BRD3OS: variants seen among roughly 807,000 people sequenced by gnomAD.
BRD3OS encodes uncharacterized protein BRD3OS.
Position 134,027,223 on chromosome 9 carries a change from C to T in BRD3OS, c.*221C>T, listed in dbSNP as rs558718986. 1 of 349,986 alleles carries T rather than the reference C, an allele frequency of 2.9e-6. No individual in the cohort carries two copies. The highest frequency in any genetic ancestry group is 4.2e-5 in the East Asian group (1 of 23,626). The allele number at this position is 349,986 out of a possible 1,614,324, so 21.7% of individuals were successfully genotyped here. On this transcript the variant is annotated 3_prime_UTR_variant, in exon 3 of 3. Transcript: ENST00000603928. ...GCACAGGACACTTCCCCTCTAGAGTCCCCTCCGTGGTCAGCTGTTGTGACA... is the reference window on the plus strand; with the variant it reads ...GCACAGGACACTTCCCCTCTAGAGTTCCCTCCGTGGTCAGCTGTTGTGACA...
rs1843479354 is a variant in BRD3OS, at chr9:134,029,536, G to T, written c.*2534G>T. On this transcript the variant is annotated 3_prime_UTR_variant, in exon 3 of 3. Transcript: ENST00000603928. ...TGCCCCCTGACCCCATCTGGGGTCG[G>T]GCTGGACAGGTCCTCAGGCCTAGAC... 6.6e-6 allele frequency: 1 copy of T among 152,242 alleles called. No individual in the cohort carries two copies. The highest frequency in any genetic ancestry group is 2.1e-4 in the South Asian group (1 of 4,834). 9.4% of individuals were successfully genotyped at this position (152,242 alleles called of 1,614,324 possible). A position where few individuals can be genotyped will look rare whatever the true frequency, so the allele number is the denominator to read the frequency against.
rs1843437688 is a variant in BRD3OS at position 134,027,017 on chromosome 9, C to T, written c.*15C>T. Reference sequence around the variant, plus strand: ...CAATTATGTAATTCCGATGTGAGCACCTGAACCCAGGACCACACTTTGAGG... The same window carrying T: ...CAATTATGTAATTCCGATGTGAGCATCTGAACCCAGGACCACACTTTGAGG... On this transcript the variant is annotated 3_prime_UTR_variant, in exon 3 of 3. Transcript: ENST00000603928. 1 of 398,730 alleles carries T rather than the reference C, an allele frequency of 2.5e-6. No individual in the cohort carries two copies. Among genetic ancestry groups the T allele is most frequent in the Non-Finnish European group, 4.4e-6 (1 of 226,064 alleles). 24.7% of individuals were successfully genotyped at this position (398,730 alleles called of 1,614,324 possible).
rs1434930753 is a variant in BRD3OS, at chr9:134,027,771, A to C, written c.*769A>C. 6.6e-6 allele frequency: 1 copy of C among 152,244 alleles called. No homozygotes were observed. Among genetic ancestry groups the C allele is most frequent in the Admixed American group, 6.5e-5 (1 of 15,290 alleles). 9.4% of individuals were successfully genotyped at this position (152,244 alleles called of 1,614,324 possible). A position where few individuals can be genotyped will look rare whatever the true frequency, so the allele number is the denominator to read the frequency against. Reference sequence around the variant, plus strand: ...CTGTGAAGCATCATGGTAGCTTCCAAGCATTTGCGGCCCACTGGCCAGTGC... The same window carrying C: ...CTGTGAAGCATCATGGTAGCTTCCACGCATTTGCGGCCCACTGGCCAGTGC... On this transcript the variant is annotated 3_prime_UTR_variant, in exon 3 of 3. Transcript: ENST00000603928.
At position 134,031,027 on chromosome 9, in the gene BRD3OS, AG is replaced by A; in HGVS notation, c.*4027del. The A allele has an allele frequency of 4.3e-6, 1 of 231,004 alleles. No homozygotes were observed. The highest frequency in any genetic ancestry group is 8.6e-6 in the Non-Finnish European group (1 of 116,626). The allele number at this position is 231,004 out of a possible 1,614,324, so 14.3% of individuals were successfully genotyped here. A position where few individuals can be genotyped will look rare whatever the true frequency, so the allele number is the denominator to read the frequency against. On this transcript the variant is annotated 3_prime_UTR_variant, in exon 3 of 3. Transcript: ENST00000603928. ...CCTCAGCCCGCCAGCAAGGGCGCTG[AG>A]GAAGTCATTAATCCTTCGAAACTCT...
At position 134,026,625 on chromosome 9, in the gene BRD3OS, T is replaced by A. The variant is rs957720417; in HGVS notation, c.-123T>A. On this transcript the variant is annotated 5_prime_UTR_variant, in exon 3 of 3. Coordinates refer to ENST00000603928, the MANE Select transcript of BRD3OS (RefSeq NM_001355256.2). This position sits in a 1 kb window ranked among gnomAD's most constrained non-coding sequence, Gnocchi z 4.4. ...GCAAATGGGCGGAATTCCTAATTTCTACCATTCAGTTAAACGAGGGATCCT... is the reference window on the plus strand; with the variant it reads ...GCAAATGGGCGGAATTCCTAATTTCAACCATTCAGTTAAACGAGGGATCCT... 5.0e-6 allele frequency: 2 copies of A among 396,694 alleles called. No homozygotes were observed. Among genetic ancestry groups the A allele is most frequent in the African/African-American group, 4.1e-5 (2 of 48,606 alleles). 24.6% of individuals were successfully genotyped at this position (396,694 alleles called of 1,614,324 possible).
In BRD3OS at chr9:134,029,748, A is replaced by G. The variant is rs1041148718; in HGVS notation, c.*2746A>G. The stretch of plus-strand genomic sequence containing the variant: ...TGAGCGCATCACAAGCCACTTCAGG[A>G]TAGACTGAGGTGCAGAGGGAGGGGA... On this transcript the variant is annotated 3_prime_UTR_variant, in exon 3 of 3. Coordinates refer to ENST00000603928, the MANE Select transcript of BRD3OS (RefSeq NM_001355256.2). The G allele has an allele frequency of 2.0e-5, 3 of 152,254 alleles. No individual in the cohort carries two copies. The highest frequency in any genetic ancestry group is 7.2e-5 in the African/African-American group (3 of 41,456). The allele number at this position is 152,254 out of a possible 1,614,324, so 9.4% of individuals were successfully genotyped here.
Position 134,026,649 on chromosome 9 carries a change from C to T in BRD3OS, c.-99C>T, listed in dbSNP as rs1037155661. ...CTACCATTCAGTTAAACGAGGGATC[C>T]TTAAGCCCCAAAGCTGGGAAAGCTG... On this transcript the variant is annotated 5_prime_UTR_variant, in exon 3 of 3. Transcript: ENST00000603928. This position sits in a 1 kb window ranked among gnomAD's most constrained non-coding sequence, Gnocchi z 4.4. 5.0e-6 allele frequency: 2 copies of T among 397,562 alleles called. No homozygotes were observed. Among genetic ancestry groups the T allele is most frequent in the Admixed American group, 8.8e-5 (2 of 22,722 alleles). The allele number at this position is 397,562 out of a possible 1,614,324, so 24.6% of individuals were successfully genotyped here. A position where few individuals can be genotyped will look rare whatever the true frequency, so the allele number is the denominator to read the frequency against.
rs1265447812 is a variant in BRD3OS at position 134,030,007 on chromosome 9, A to C, written c.*3005A>C. 1.3e-5 allele frequency: 2 copies of C among 152,348 alleles called. No homozygotes were observed. The highest frequency in any genetic ancestry group is 3.8e-4 in the East Asian group (2 of 5,196). The allele number at this position is 152,348 out of a possible 1,614,324, so 9.4% of individuals were successfully genotyped here. ...GAGTGCAGTGATGCAATCATGGCTT[A>C]CTGCAGCCTCAAACTCCTGGCCTCA... On this transcript the variant is annotated 3_prime_UTR_variant, in exon 3 of 3. Transcript: ENST00000603928.
In BRD3OS at chr9:134,029,220, G is replaced by C. The variant is rs944845384; in HGVS notation, c.*2218G>C. 2 of 152,280 alleles carry C rather than the reference G, an allele frequency of 1.3e-5. No homozygotes were observed. Among genetic ancestry groups the C allele is most frequent in the African/African-American group, 4.8e-5 (2 of 41,462 alleles). The allele number at this position is 152,280 out of a possible 1,614,324, so 9.4% of individuals were successfully genotyped here. A position where few individuals can be genotyped will look rare whatever the true frequency, so the allele number is the denominator to read the frequency against. On this transcript the variant is annotated 3_prime_UTR_variant, in exon 3 of 3. Transcript: ENST00000603928. Reference sequence around the variant, plus strand: ...AATGCCTGTGTGCCACCTTCTCACCGCACCACAGACTCCCCTGAGGACGGG... The same window carrying C: ...AATGCCTGTGTGCCACCTTCTCACCCCACCACAGACTCCCCTGAGGACGGG...
rs555025118 is a variant in BRD3OS at position 134,031,523 on chromosome 9, A to G, written c.*4521A>G. ...AAACGAGGGTAACTTTAAAAAATGGAAACTTTCAAATCCATTTATATTTTT... is the reference window on the plus strand; with the variant it reads ...AAACGAGGGTAACTTTAAAAAATGGGAACTTTCAAATCCATTTATATTTTT... On this transcript the variant is annotated 3_prime_UTR_variant, in exon 3 of 3. Transcript: ENST00000603928. 4 of 201,888 alleles carry G rather than the reference A, an allele frequency of 2.0e-5. No homozygotes were observed. The highest frequency in any genetic ancestry group is 3.0e-5 in the Non-Finnish European group (3 of 98,362). The allele number at this position is 201,888 out of a possible 1,614,324, so 12.5% of individuals were successfully genotyped here. A position where few individuals can be genotyped will look rare whatever the true frequency, so the allele number is the denominator to read the frequency against.
At position 134,026,175 on chromosome 9, in the gene BRD3OS, C is replaced by G. The variant is rs1256500411; in HGVS notation, c.-540-33C>G. 1 of 152,768 alleles carries G rather than the reference C, an allele frequency of 6.5e-6. No homozygotes were observed. Among genetic ancestry groups the G allele is most frequent in the East Asian group, 1.9e-4 (1 of 5,202 alleles). The allele number at this position is 152,768 out of a possible 1,614,324, so 9.5% of individuals were successfully genotyped here. A position where few individuals can be genotyped will look rare whatever the true frequency, so the allele number is the denominator to read the frequency against. On this transcript the variant is annotated intron_variant, in intron 2 of 2. Coordinates refer to ENST00000603928, the MANE Select transcript of BRD3OS (RefSeq NM_001355256.2). This position sits in a 1 kb window ranked among gnomAD's most constrained non-coding sequence, Gnocchi z 4.4. The stretch of plus-strand genomic sequence containing the variant: ...CGCCGCTGCCGGGGCGCTTGACTTC[C>G]CCTCTCCTGACAGCACGTTCGTTCC...
rs1447584134 is a variant in BRD3OS, at chr9:134,031,576, T to C, written c.*4574T>C. ...TATAAACAAAACTTAATTAAAAGTT[T>C]AACAAACTGGCTGAAAACTCACCAA... On this transcript the variant is annotated 3_prime_UTR_variant, in exon 3 of 3. Coordinates refer to ENST00000603928, the MANE Select transcript of BRD3OS (RefSeq NM_001355256.2). 9.6e-6 allele frequency: 2 copies of C among 208,318 alleles called. No homozygotes were observed. The highest frequency in any genetic ancestry group is 2.0e-5 in the Non-Finnish European group (2 of 102,500). The allele number at this position is 208,318 out of a possible 1,614,324, so 12.9% of individuals were successfully genotyped here.
In BRD3OS at chr9:134,028,830, G is replaced by A. The variant is rs991075299; in HGVS notation, c.*1828G>A. ...TGTTCGTGCTTCTCTTTGCAGCTGT[G>A]CAAGTTCATTCGCAAACGTCCTAGA... On this transcript the variant is annotated 3_prime_UTR_variant, in exon 3 of 3. Transcript: ENST00000603928. 1.3e-5 allele frequency: 2 copies of A among 152,286 alleles called. No individual in the cohort carries two copies. Among genetic ancestry groups the A allele is most frequent in the African/African-American group, 4.8e-5 (2 of 41,466 alleles). 9.4% of individuals were successfully genotyped at this position (152,286 alleles called of 1,614,324 possible).
chr9:134,029,942 TTTGA>T lies in BRD3OS; in HGVS notation c.*2943_*2946del, dbSNP rs1275777775. 2.0e-5 allele frequency: 3 copies of T among 152,030 alleles called. No homozygotes were observed. Among genetic ancestry groups the T allele is most frequent in the Non-Finnish European group, 2.9e-5 (2 of 68,016 alleles). The allele number at this position is 152,030 out of a possible 1,614,324, so 9.4% of individuals were successfully genotyped here. Reference sequence around the variant, plus strand: ...GCTCAGGACAAGAGCTACTTAATGGTTTGATTATTATTATTTTTTAAGAGATGTT... The same window carrying T: ...GCTCAGGACAAGAGCTACTTAATGGTTTATTATTATTTTTTAAGAGATGTT... On this transcript the variant is annotated 3_prime_UTR_variant, in exon 3 of 3. Transcript: ENST00000603928.
In BRD3OS at chr9:134,030,426, A is replaced by C. The variant is rs1186155573; in HGVS notation, c.*3424A>C. 1.8e-5 allele frequency: 3 copies of C among 163,834 alleles called. No homozygotes were observed. The highest frequency in any genetic ancestry group is 2.2e-4 in the East Asian group (2 of 9,192). The allele number at this position is 163,834 out of a possible 1,614,324, so 10.1% of individuals were successfully genotyped here. A position where few individuals can be genotyped will look rare whatever the true frequency, so the allele number is the denominator to read the frequency against. On this transcript the variant is annotated 3_prime_UTR_variant, in exon 3 of 3. Transcript: ENST00000603928. ...CTACCATTTTTATTCTGTTGTGTTG[A>C]GGCCAGCATTGCAATAAACAAGCTA...
chr9:134,031,523 A>T lies in BRD3OS; in HGVS notation c.*4521A>T, dbSNP rs555025118. On this transcript the variant is annotated 3_prime_UTR_variant, in exon 3 of 3. Coordinates refer to ENST00000603928, the MANE Select transcript of BRD3OS (RefSeq NM_001355256.2). ...AAACGAGGGTAACTTTAAAAAATGGAAACTTTCAAATCCATTTATATTTTT... is the reference window on the plus strand; with the variant it reads ...AAACGAGGGTAACTTTAAAAAATGGTAACTTTCAAATCCATTTATATTTTT... The T allele has an allele frequency of 5.0e-6, 1 of 202,006 alleles. No individual in the cohort carries two copies. The highest frequency in any genetic ancestry group is 1.0e-5 in the Non-Finnish European group (1 of 98,354). 12.5% of individuals were successfully genotyped at this position (202,006 alleles called of 1,614,324 possible).
chr9:134,026,610 G>T lies in BRD3OS; in HGVS notation c.-138G>T. On this transcript the variant is annotated 5_prime_UTR_variant, in exon 3 of 3. The change creates a premature stop within an existing upstream ORF in the 5' untranslated region. Transcript: ENST00000603928. This position sits in a 1 kb window ranked among gnomAD's most constrained non-coding sequence, Gnocchi z 4.4. ...CTGAGGACGTTGCCTGCAAATGGGCGGAATTCCTAATTTCTACCATTCAGT... is the reference window on the plus strand; with the variant it reads ...CTGAGGACGTTGCCTGCAAATGGGCTGAATTCCTAATTTCTACCATTCAGT... 2.5e-6 allele frequency: 1 copy of T among 395,608 alleles called. No homozygotes were observed. The highest frequency in any genetic ancestry group is 2.1e-5 in the African/African-American group (1 of 48,702). 24.5% of individuals were successfully genotyped at this position (395,608 alleles called of 1,614,324 possible).
Position 134,029,398 on chromosome 9 carries a change from C to G in BRD3OS, c.*2396C>G, listed in dbSNP as rs1843476944. 6.6e-6 allele frequency: 1 copy of G among 152,310 alleles called. No individual in the cohort carries two copies. The highest frequency in any genetic ancestry group is 2.1e-4 in the South Asian group (1 of 4,836). The allele number at this position is 152,310 out of a possible 1,614,324, so 9.4% of individuals were successfully genotyped here. On this transcript the variant is annotated 3_prime_UTR_variant, in exon 3 of 3. Coordinates refer to ENST00000603928, the MANE Select transcript of BRD3OS (RefSeq NM_001355256.2). ...CCACGCACAAGGAGCTGGCACTAAG[C>G]CGCTTAGGCTGCAGGAAGACACCAT...
chr9:134,028,022 C>T lies in BRD3OS; in HGVS notation c.*1020C>T, dbSNP rs1843453623. ...ATTCACCTTCTGCTCTCACTGACAT[C>T]TCCTTGGCTACACAAATGTGCAGGT... is the stretch of plus-strand genomic sequence containing the variant. On this transcript the variant is annotated 3_prime_UTR_variant, in exon 3 of 3. Transcript: ENST00000603928. 6.6e-6 allele frequency: 1 copy of T among 152,268 alleles called. No individual in the cohort carries two copies. The highest frequency in any genetic ancestry group is 2.4e-5 in the African/African-American group (1 of 41,464). The allele number at this position is 152,268 out of a possible 1,614,324, so 9.4% of individuals were successfully genotyped here.
Sources: allele counts gnomAD v4.1 joint callset, GRCh38; gene constraint gnomAD v4.1.1; non-coding constraint Gnocchi (gnomAD v3.1); transcripts MANE v1.5; gene names NCBI Gene and HGNC (gene_info 2026-07-23, HGNC 2026-07-21).